The following NRXN3 variants were observed in gnomAD, a reference collection of about 807,000 sequenced individuals.
NRXN3 encodes the protein neurexin 3.
NRXN3 carries 32 observed loss-of-function variants against 137.6 expected under a neutral mutation model. The ratio of observed to expected loss-of-function variants is 0.23; its 90% confidence interval spans 0.18 to 0.31. The LOEUF (loss-of-function observed/expected upper bound fraction) is 0.31, where lower values mean the gene tolerates loss of function less well. Ranked by LOEUF, NRXN3 falls within the 10% of genes least tolerant of loss-of-function variation. The pLI is 1.00. For missense variants in NRXN3, 1,574 were observed against 2,062.5 expected, an observed-to-expected ratio of 0.76 and a Z score of 4.59; for synonymous variants, 798 against 784.5, an observed-to-expected ratio of 1.02 and a Z score of -0.29.
chr14:78,992,712 A>G (rs2099521387), intron 15 of NRXN3, among the ~76,000 whole-genome samples: 1 of 152,192 alleles, frequency 6.6e-6, no homozygotes, highest in African/African-American at 2.4e-5. Flanking sequence ...AGCAGTTTTA[A>G]ACATTTCATA....
chr14:78,197,468 G>A (rs1490775146), intron 1 of NRXN3, among the ~76,000 whole-genome samples: 3 of 152,204 alleles, frequency 2.0e-5, no homozygotes, highest in African/African-American at 7.2e-5. Context: ...TGGTTATGCC[G>A]TGGCTCAACC....
intron 16 of NRXN3, among the ~76,000 whole-genome samples, chr14:79,519,745 A>G (rs1265741718): frequency 6.6e-6 from 1 of 151,182 alleles, no homozygotes; most frequent in Non-Finnish European, 1.5e-5. Flanking sequence ...CACTGTGATC[A>G]GAAAATGTGT....
intron 4 of NRXN3, among the ~76,000 whole-genome samples, chr14:78,314,527 G>A (rs890089193): frequency 1.3e-5 from 2 of 152,172 alleles, no homozygotes; most frequent in African/African-American, 2.4e-5. Context: ...GAGCGAGCTT[G>A]GAGGATTTTT....
chr14:78,243,889 G>A lies in NRXN3; in HGVS notation c.709+87G>A, dbSNP rs932296037. 1.4e-5 allele frequency: 14 copies of A among 971,272 alleles called. No homozygotes were observed. In the Admixed American group the frequency reaches 1.9e-4, roughly 13 times the overall value. The allele number at this position is 971,272 out of a possible 1,614,324, so 60.2% of individuals were successfully genotyped here. ...TGATACAAACCAGTTCTATATGGATGCATATCTTTAGCTGCATGTTAGATC... is the reference window on the plus strand; with the variant it reads ...TGATACAAACCAGTTCTATATGGATACATATCTTTAGCTGCATGTTAGATC... On this transcript the variant is annotated intron_variant, in intron 2 of 20. Transcript: ENST00000335750. This position sits in a 1 kb window ranked among gnomAD's most constrained non-coding sequence, Gnocchi z 4.2.
At chr14:78,958,381 A>G (rs2099401043) in intron 11 of NRXN3, among the ~76,000 whole-genome samples, 1 of 148,538 alleles carries the variant, frequency 6.7e-6, no homozygotes, top group Non-Finnish European at 1.5e-5. Context: ...TTTTTAAGAC[A>G]GTCTTGCTCT....
intron 1 of NRXN3, chr14:78,178,023 C>G (rs1018781889): frequency 6.6e-6 from 1 of 152,216 alleles, no homozygotes; most frequent in Admixed American, 6.5e-5. Flanking sequence ...ACATAATCCT[C>G]CAACAATCCT....
At chr14:78,964,494 A>T (rs1409580478) in intron 11 of NRXN3, among the ~76,000 whole-genome samples, 2 of 152,202 alleles carry the variant, frequency 1.3e-5, no homozygotes, top group African/African-American at 4.8e-5. Context: ...CTAAGCATAC[A>T]CAGCTTCTCT....
At chr14:79,163,536 A>G (rs1238836420) in intron 15 of NRXN3, among the ~76,000 whole-genome samples, 3 of 151,956 alleles carry the variant, frequency 2.0e-5, no homozygotes, top group Non-Finnish European at 2.9e-5. Context: ...CCTGGTACAA[A>G]TATAAGAAAT....
intron 19 of NRXN3, among the ~76,000 whole-genome samples, chr14:79,742,801 A>G (rs1168481446): frequency 1.3e-5 from 2 of 152,174 alleles, no homozygotes; most frequent in South Asian, 2.1e-4. Flanking sequence ...TATTAAACTA[A>G]CGTATGCTTT....
chr14:78,227,636 G>A (rs1358835148), intron 1 of NRXN3, among the ~76,000 whole-genome samples: 1 of 152,182 alleles, frequency 6.6e-6, no homozygotes, highest in African/African-American at 2.4e-5. Flanking sequence ...CTGCGGTGAC[G>A]TCCTTCAGCA....
At chr14:79,627,751 T>C (rs914037215) in intron 16 of NRXN3, among the ~76,000 whole-genome samples, 1 of 152,170 alleles carries the variant, frequency 6.6e-6, no homozygotes, top group African/African-American at 2.4e-5. Context: ...GGTAACTAAC[T>C]CATGAGGTTG....
chr14:79,589,723 T>C (rs2097788448), intron 16 of NRXN3, among the ~76,000 whole-genome samples: 1 of 152,086 alleles, frequency 6.6e-6, no homozygotes, highest in African/African-American at 2.4e-5. Flanking sequence ...TCAATTTAAA[T>C]TTATCACTCT....
At chr14:78,663,567 GTTCCAGCCTAATATT>G (rs2097857500) in intron 6 of NRXN3, among the ~76,000 whole-genome samples, 1 of 152,154 alleles carries the variant, frequency 6.6e-6, no homozygotes, top group Non-Finnish European at 1.5e-5. Context: ...GTTTCTTTTT[GTTCCAGCCTAATATT>G]TTCCATGAAG....
intron 15 of NRXN3, among the ~76,000 whole-genome samples, chr14:79,396,707 T>A (rs1387782546): frequency 6.6e-6 from 1 of 152,188 alleles, no homozygotes. Flanking sequence ...GAGTCCGCGC[T>A]GTATCTTTTT....
intron 8 of NRXN3, among the ~76,000 whole-genome samples, chr14:78,788,249 A>G (rs2098794935): frequency 8.4e-6 from 1 of 118,836 alleles, no homozygotes; most frequent in Admixed American, 9.7e-5. Context: ...ACATATGTAC[A>G]TGCATATATA....
chr14:79,497,673 T>A (rs1156455827), intron 16 of NRXN3, among the ~76,000 whole-genome samples: 1 of 152,212 alleles, frequency 6.6e-6, no homozygotes, highest in African/African-American at 2.4e-5. Flanking sequence ...TGTCACTGAA[T>A]TTCCAATGCC....
At chr14:79,351,394 A>G (rs897417875) in intron 15 of NRXN3, among the ~76,000 whole-genome samples, 4 of 152,220 alleles carry the variant, frequency 2.6e-5, no homozygotes, top group Admixed American at 6.6e-5. Flanking sequence ...TACTGTCTAA[A>G]GATCTCTTCC....
chr14:78,687,287 A>C (rs527695492), intron 6 of NRXN3, among the ~76,000 whole-genome samples: 193 of 151,876 alleles, frequency 1.3e-3, no homozygotes, highest in African/African-American at 4.3e-3. Context: ...AATTAGGAAA[A>C]CCCCCCTGGC....
At chr14:78,569,892 G>C (rs1313481155) in intron 4 of NRXN3, among the ~76,000 whole-genome samples, 1 of 152,232 alleles carries the variant, frequency 6.6e-6, no homozygotes, top group Non-Finnish European at 1.5e-5. Flanking sequence ...CTACGGGCTT[G>C]CACCCGGAAA....
Sources: gnomAD v4.1 joint callset for allele counts (sites outside exome capture counted in the v4.1 genomes callset) on GRCh38, gnomAD v4.1.1 for gene constraint, Gnocchi (gnomAD v3.1) non-coding constraint, MANE v1.5 for transcripts, NCBI Gene and HGNC (gene_info 2026-07-23, HGNC 2026-07-21) for gene names.